The following BTRC variants were observed in gnomAD, a reference collection of about 807,000 sequenced individuals.
BTRC encodes the protein F-box/WD repeat-containing protein 1A.
A neutral mutation model predicts 85.5 loss-of-function variants in BTRC; 42 were observed. That is an observed-to-expected ratio of 0.49 (90% CI 0.38 to 0.64). The LOEUF is 0.64. Ranked by LOEUF, BTRC falls within the 30% of genes least tolerant of loss-of-function variation. BTRC has a pLI of 0.00. For missense variants in BTRC, 594 were observed against 743.5 expected (o/e 0.80, Z 2.34); for synonymous variants, 255 against 263.3 (o/e 0.97, Z 0.30).
chr10:101,359,496 C>T (rs113115051), intron 1 of BTRC, among the ~76,000 whole-genome samples: 4,323 of 152,090 alleles, frequency 0.028, 199 homozygotes, highest in African/African-American at 0.091. Context: ...GGCACAATTT[C>T]GGTTCACTGC....
chr10:101,402,133 C>T (rs547234299), intron 1 of BTRC, among the ~76,000 whole-genome samples: 1 of 152,228 alleles, frequency 6.6e-6, no homozygotes, highest in African/African-American at 2.4e-5. Flanking sequence ...CTTTTTAAGG[C>T]TGTATGCTAG....
At chr10:101,402,373 G>A (rs1355650044) in intron 1 of BTRC, among the ~76,000 whole-genome samples, 2 of 152,096 alleles carry the variant, frequency 1.3e-5, no homozygotes, top group Non-Finnish European at 2.9e-5. Context: ...TAAAGCATTT[G>A]TTTGTTCAAA....
chr10:101,410,321 A>C (rs1321356587), intron 1 of BTRC, among the ~76,000 whole-genome samples: 1 of 152,168 alleles, frequency 6.6e-6, no homozygotes. Context: ...CGCTGATGTC[A>C]AGAAGAGTAC....
chr10:101,389,115 GTGTGTTTTTTTTTTTTTT>G (rs1448044071), intron 1 of BTRC, among the ~76,000 whole-genome samples: 5 of 35,462 alleles, frequency 1.4e-4, no homozygotes, highest in African/African-American at 6.8e-4. Context: ...GATTTTTTGT[GTGTGTTTTTTTTTTTTTT>G]TTTTTTTTTT....
At chr10:101,548,900 A>G (rs1359987185) in intron 13 of BTRC, among the ~76,000 whole-genome samples, 2 of 151,402 alleles carry the variant, frequency 1.3e-5, no homozygotes, top group Non-Finnish European at 2.9e-5. Context: ...TAAAAATACA[A>G]AAATTAGCTG....
intron 1 of BTRC, among the ~76,000 whole-genome samples, chr10:101,415,626 C>T (rs150938303): frequency 0.056 from 8,319 of 149,746 alleles, 254 homozygotes; most frequent in South Asian, 0.1. Flanking sequence ...ACTGCAACCT[C>T]TGCCTCCTGA....
At chr10:101,552,235 C>G (rs998720663) in intron 14 of BTRC, among the ~76,000 whole-genome samples, 5 of 151,932 alleles carry the variant, frequency 3.3e-5, no homozygotes, top group African/African-American at 1.2e-4. Context: ...GTCACCCAAG[C>G]TGGAGTGCAG....
At chr10:101,442,271 T>TCTCTCTCTCTCTCTCTCC in intron 2 of BTRC, among the ~76,000 whole-genome samples, 1 of 137,972 alleles carries the variant, frequency 7.2e-6, no homozygotes, top group Non-Finnish European at 1.6e-5. Flanking sequence ...AATCTCTCTC[T>TCTCTCTCTCTCTCTCTCC]CTCTCTCTCT....
intron 3 of BTRC, among the ~76,000 whole-genome samples, chr10:101,464,428 A>T (rs1945315029): frequency 6.6e-6 from 1 of 152,104 alleles, no homozygotes; most frequent in African/African-American, 2.4e-5. Flanking sequence ...TACTTGCAAG[A>T]TCTGTTGTGT....
chr10:101,387,542 T>TTTTTTTTTTTTTTTTTTG, intron 1 of BTRC, among the ~76,000 whole-genome samples: 1 of 133,632 alleles, frequency 7.5e-6, no homozygotes, highest in Non-Finnish European at 1.6e-5. Flanking sequence ...TTTTTTTTTT[T>TTTTTTTTTTTTTTTTTTG]TTTTGAGATA....
At chr10:101,549,481 G>A (rs573748015) in intron 13 of BTRC, among the ~76,000 whole-genome samples, 14 of 151,562 alleles carry the variant, frequency 9.2e-5, no homozygotes, top group African/African-American at 2.4e-4. Context: ...TTGGGAGGCC[G>A]AGGCGGGTGG....
At chr10:101,405,018 A>T (rs1365190439) in intron 1 of BTRC, among the ~76,000 whole-genome samples, 1 of 135,450 alleles carries the variant, frequency 7.4e-6, no homozygotes, top group Non-Finnish European at 1.6e-5. Context: ...AAAAAAAAAA[A>T]GTCTATGCCT....
At chr10:101,504,949 G>A (rs1163569149) in intron 4 of BTRC, among the ~76,000 whole-genome samples, 1 of 150,984 alleles carries the variant, frequency 6.6e-6, no homozygotes, top group Admixed American at 6.6e-5. Context: ...AAAAAATTTT[G>A]TTTTCTTTTT....
At chr10:101,428,955 T>A (rs1336298073) in intron 1 of BTRC, among the ~76,000 whole-genome samples, 1 of 152,206 alleles carries the variant, frequency 6.6e-6, no homozygotes, top group African/African-American at 2.4e-5. Context: ...CACAAACCTC[T>A]TGCATGGCTC....
At chr10:101,378,315 T>G (rs1942842018) in intron 1 of BTRC, among the ~76,000 whole-genome samples, 1 of 152,180 alleles carries the variant, frequency 6.6e-6, no homozygotes, top group Non-Finnish European at 1.5e-5. Context: ...TGAGTAAATA[T>G]GGAAGAATTA....
intron 3 of BTRC, among the ~76,000 whole-genome samples, chr10:101,476,293 A>G (rs536504844): frequency 2.8e-4 from 43 of 152,200 alleles, no homozygotes; most frequent in African/African-American, 9.4e-4. Flanking sequence ...GTGGGATCCT[A>G]GATTAGATGC....
chr10:101,394,907 G>A (rs1197060078), intron 1 of BTRC, among the ~76,000 whole-genome samples: 2 of 152,154 alleles, frequency 1.3e-5, no homozygotes, highest in African/African-American at 2.4e-5. Context: ...GGTCTGAGGT[G>A]TTCTGAATGA....
chr10:101,545,481 TA>T (rs1396039763), intron 13 of BTRC, among the ~76,000 whole-genome samples: 1 of 152,192 alleles, frequency 6.6e-6, no homozygotes, highest in Admixed American at 6.5e-5. Context: ...AATGTGACTG[TA>T]TTTGGAGTTA....
intron 1 of BTRC, among the ~76,000 whole-genome samples, chr10:101,402,260 G>A (rs967969565): frequency 2.0e-5 from 3 of 152,094 alleles, no homozygotes; most frequent in African/African-American, 7.2e-5. Flanking sequence ...TTTGGAAGTT[G>A]GGTGACTCTC....
Sources: allele counts gnomAD v4.1 joint callset (sites outside exome capture counted in the v4.1 genomes callset), GRCh38; gene constraint gnomAD v4.1.1; transcripts MANE v1.5; gene names NCBI Gene and HGNC (gene_info 2026-07-23, HGNC 2026-07-21).